Variants in CTNNA3 observed in about 807,000 individuals in gnomAD.
The protein encoded by CTNNA3 is catenin alpha-3.
Under a neutral mutation model 95.7 loss-of-function variants are expected in CTNNA3, and 76 were observed. The ratio of observed to expected loss-of-function variants is 0.79; its 90% CI spans 0.66 to 0.96. The LOEUF is 0.96. Among genes scored for constraint, CTNNA3 ranks in the 40% least tolerant of loss-of-function variants. CTNNA3 has a pLI of 0.00. For missense variants in CTNNA3, 1,191 were observed against 1,089.8 expected (o/e 1.09, Z -1.31); for synonymous variants, 431 against 374.4 (o/e 1.15, Z -1.74).
chr10:66,203,312 G>A (rs1400815194), intron 13 of CTNNA3, among the ~76,000 whole-genome samples: 5 of 152,080 alleles, frequency 3.3e-5, no homozygotes, highest in African/African-American at 4.8e-5. Context: ...TATAAAATGA[G>A]CAAGATTGTA....
Position 66,886,765 on chromosome 10 carries a change from A to T in CTNNA3, c.1048-111241T>A, listed in dbSNP as rs541899783. Among the ~76,000 whole-genome samples the T allele has an allele frequency of 3.4e-3, 512 of 152,212 alleles. 12 individuals are homozygous for T. The South Asian group carries it at 0.066, about 20-fold the overall frequency. ...AATTCCAGTTCTTACCCCATTTCAGACTGGCCCATTTCATTGTTATTACGT... is the reference window on the plus strand; with the variant it reads ...AATTCCAGTTCTTACCCCATTTCAGTCTGGCCCATTTCATTGTTATTACGT... On this transcript the variant is annotated intron_variant, in intron 7 of 17. Transcript: ENST00000433211.
At chr10:66,706,899 G>A (rs528474165) in intron 9 of CTNNA3, among the ~76,000 whole-genome samples, 2 of 152,052 alleles carry the variant, frequency 1.3e-5, no homozygotes, top group East Asian at 3.9e-4. Flanking sequence ...GAAATTTGTA[G>A]GAAGGAGAAC....
intron 9 of CTNNA3, among the ~76,000 whole-genome samples, chr10:66,732,719 G>T (rs1848999757): frequency 6.6e-6 from 1 of 152,100 alleles, no homozygotes; most frequent in South Asian, 2.1e-4. Flanking sequence ...GACCCATGGG[G>T]ATTATGGAAA....
At chr10:66,992,899 A>G (rs1252354551) in intron 7 of CTNNA3, among the ~76,000 whole-genome samples, 1 of 152,022 alleles carries the variant, frequency 6.6e-6, no homozygotes, top group African/African-American at 2.4e-5. Context: ...CTTCAATTTG[A>G]CCATTTTTGT....
rs201903789 is a variant in CTNNA3, at chr10:66,212,542, C to CT, written c.1884+67927dup. 9.9e-5 allele frequency among the ~76,000 whole-genome samples: 15 copies of CT among 151,836 alleles called. No individual in the cohort carries two copies. The East Asian group carries it at 1.7e-3, about 18-fold the overall frequency. ...TTTCGGAGTTGTGTTTCTGCTTAAT[C>CT]TTTTTTTTGATGCTTTTGAAGAGGG... On this transcript the variant is annotated intron_variant, in intron 13 of 17. Coordinates refer to ENST00000433211, the MANE Select transcript of CTNNA3 (RefSeq NM_013266.4).
intron 5 of CTNNA3, among the ~76,000 whole-genome samples, chr10:67,251,005 A>G (rs1344719916): frequency 6.6e-6 from 1 of 152,230 alleles, no homozygotes; most frequent in Non-Finnish European, 1.5e-5. Flanking sequence ...AAATGAAAAC[A>G]TATGTCCACA....
intron 8 of CTNNA3, among the ~76,000 whole-genome samples, chr10:66,773,777 A>T (rs1385913416): frequency 2.0e-5 from 3 of 152,188 alleles, no homozygotes; most frequent in Non-Finnish European, 4.4e-5. Flanking sequence ...ACAAGATGGG[A>T]GTATCTTCTT....
intron 5 of CTNNA3, among the ~76,000 whole-genome samples, chr10:67,366,807 C>T (rs1401708339): frequency 1.3e-5 from 2 of 152,134 alleles, no homozygotes; most frequent in Admixed American, 6.5e-5. Flanking sequence ...ACTGGCTATC[C>T]ATATGCAGAA....
At chr10:67,761,722 C>G (rs954699647) in intron 1 of CTNNA3, among the ~76,000 whole-genome samples, 1 of 151,890 alleles carries the variant, frequency 6.6e-6, no homozygotes, top group Non-Finnish European at 1.5e-5. Context: ...ACCAAAAATA[C>G]AAAAAATTAC....
At chr10:67,692,144 C>G (rs969829437) in intron 1 of CTNNA3, among the ~76,000 whole-genome samples, 1 of 151,346 alleles carries the variant, frequency 6.6e-6, no homozygotes, top group Non-Finnish European at 1.5e-5. Flanking sequence ...CCCGGCCAGC[C>G]GCCCCCTCTG....
chr10:66,978,826 A>T (rs1477344350), intron 7 of CTNNA3, among the ~76,000 whole-genome samples: 1 of 151,262 alleles, frequency 6.6e-6, no homozygotes, highest in Admixed American at 6.6e-5. Context: ...GTCCTAAATT[A>T]TTGCTTAGCC....
chr10:67,427,368 G>T (rs1448885378), intron 5 of CTNNA3, among the ~76,000 whole-genome samples: 1 of 151,908 alleles, frequency 6.6e-6, no homozygotes, highest in Non-Finnish European at 1.5e-5. Flanking sequence ...ATATGCCAGG[G>T]GAAGGGAGTA....
At chr10:66,921,662 G>C (rs970470023) in intron 7 of CTNNA3, among the ~76,000 whole-genome samples, 2 of 152,158 alleles carry the variant, frequency 1.3e-5, no homozygotes, top group Non-Finnish European at 2.9e-5. Flanking sequence ...GCTCAGGCCA[G>C]TTTCTTAATG....
chr10:66,937,960 TCA>T (rs1202317653), intron 7 of CTNNA3, among the ~76,000 whole-genome samples: 1 of 152,140 alleles, frequency 6.6e-6, no homozygotes, highest in Non-Finnish European at 1.5e-5. Context: ...GGGGTTTGTA[TCA>T]CGATTTGAGG....
chr10:65,948,057 C>CA (rs2077546896), intron 17 of CTNNA3, among the ~76,000 whole-genome samples: 1 of 152,138 alleles, frequency 6.6e-6, no homozygotes, highest in African/African-American at 2.4e-5. Context: ...GTGGGCGGAT[C>CA]ACGAGGTCAG....
At chr10:67,521,600 AT>A (rs1246279448) in intron 5 of CTNNA3, among the ~76,000 whole-genome samples, 1 of 152,172 alleles carries the variant, frequency 6.6e-6, no homozygotes, top group Non-Finnish European at 1.5e-5. Context: ...ACCAGCAGGA[AT>A]TTTCTTTAAG....
At chr10:66,102,489 T>C (rs1177707755) in intron 14 of CTNNA3, among the ~76,000 whole-genome samples, 1 of 152,160 alleles carries the variant, frequency 6.6e-6, no homozygotes, top group African/African-American at 2.4e-5. Context: ...CAGATGCACA[T>C]GCATTCCCAG....
chr10:66,291,450 C>A (rs568872869), intron 12 of CTNNA3, among the ~76,000 whole-genome samples: 1 of 152,110 alleles, frequency 6.6e-6, no homozygotes, highest in Non-Finnish European at 1.5e-5. Flanking sequence ...CAGGGATCAT[C>A]TTTGAGAATC....
intron 7 of CTNNA3, among the ~76,000 whole-genome samples, chr10:66,885,080 T>C (rs1300478467): frequency 6.6e-6 from 1 of 152,148 alleles, no homozygotes; most frequent in African/African-American, 2.4e-5. Flanking sequence ...CAAAGTCAAG[T>C]AATTTACAAT....
Sources: allele counts gnomAD v4.1 joint callset (sites outside exome capture counted in the v4.1 genomes callset), GRCh38; gene constraint gnomAD v4.1.1; transcripts MANE v1.5; gene names NCBI Gene and HGNC (gene_info 2026-07-23, HGNC 2026-07-21).